The following USP48 variants were observed in gnomAD, a reference collection of about 807,000 sequenced individuals.
USP48 encodes the protein ubiquitin carboxyl-terminal hydrolase 48.
A neutral mutation model predicts 150.7 loss-of-function variants in USP48; 43 were observed. The observed-to-expected ratio is 0.29, with a 90% CI of 0.22 to 0.37. USP48 has a LOEUF of 0.37. Among genes scored for constraint, USP48 ranks in the 10% least tolerant of loss-of-function variants. The pLI, the probability that USP48 is intolerant of heterozygous loss-of-function variation, is 1.00. For missense variants in USP48, 813 were observed against 1,249.6 expected (o/e 0.65, Z 5.27); for synonymous variants, 396 against 425.9 (o/e 0.93, Z 0.86).
At chr1:21,686,338 A>C (rs1434264835) in intron 25 of USP48, 1 of 152,086 alleles carries the variant, frequency 6.6e-6, no homozygotes, top group Non-Finnish European at 1.5e-5. Context: ...TATGGCCTTT[A>C]TTATATTGAG....
chr1:21,705,774 C>T lies in USP48; in HGVS notation c.2337G>A (p.Gly779=), dbSNP rs1176901865. The T allele has an allele frequency of 6.2e-7, 1 of 1,612,434 alleles. No homozygotes were observed. The highest frequency in any genetic ancestry group is 8.5e-7 in the Non-Finnish European group (1 of 1,179,522). ...VGNSALLCPH[G]GLMFTFASMT... ...TGGAAGCAAATGTAAACATGAGGCC[C>T]CCGTGGGGACACAAAAGAGCACTGT... Residue 779 remains glycine (G), a synonymous_variant, in exon 19 of 27, where the codon GGG becomes GGA. Transcript: ENST00000308271.
chr1:21,724,054 A>T lies in USP48; in HGVS notation c.1492T>A (p.Leu498Met). 2.5e-6 allele frequency: 4 copies of T among 1,614,186 alleles called. No homozygotes were observed. Among genetic ancestry groups the T allele is most frequent in the Non-Finnish European group, 3.4e-6 (4 of 1,180,030 alleles). The change falls in exon 12 of 27, where the codon TTG becomes ATG. Residue 498 changes from leucine (L) to methionine (M), a missense_variant. Transcript: ENST00000308271. ...FVSLEWLQKW[L>M]DESTPTKPID... ...GGTTTGGTAGGTGTTGATTCATCCA[A>T]CCACTTTTGCAGCCATTCCAGAGAG...
At chr1:21,721,193 A>G in intron 13 of USP48, 27 bp from the exon 14 acceptor site, 2 of 1,611,304 alleles carry the variant, frequency 1.2e-6, no homozygotes, top group East Asian at 2.2e-5. Context: ...ATGTTAAATC[A>G]TATAAGTAAT....
At chr1:21,739,841 C>A (rs1172362188) in intron 8 of USP48, among the ~76,000 whole-genome samples, 3 of 152,166 alleles carry the variant, frequency 2.0e-5, no homozygotes, top group Non-Finnish European at 4.4e-5. Context: ...TTCTGGTAAC[C>A]ACCATTTTCT....
At chr1:21,743,523 G>A (rs1407434421) in intron 8 of USP48, among the ~76,000 whole-genome samples, 3 of 152,110 alleles carry the variant, frequency 2.0e-5, no homozygotes, top group African/African-American at 7.2e-5. Flanking sequence ...TATGGGTTAC[G>A]CTGTGGCTGG....
intron 3 of USP48, among the ~76,000 whole-genome samples, chr1:21,754,549 T>C (rs1408565119): frequency 6.6e-6 from 1 of 152,182 alleles, no homozygotes; most frequent in African/African-American, 2.4e-5. Flanking sequence ...TGATGAGAGA[T>C]GGGCTCTGCA....
At chr1:21,694,572 CAAAAAAAAAAAA>C (rs1204062748) in intron 23 of USP48, among the ~76,000 whole-genome samples, 4 of 12,020 alleles carry the variant, frequency 3.3e-4, no homozygotes, top group Non-Finnish European at 5.0e-4. Context: ...TCTGTCTCAC[CAAAAAAAAAAAA>C]AAAAAAAAAA....
intron 1 of USP48, among the ~76,000 whole-genome samples, chr1:21,778,874 C>T (rs766866405): frequency 5.7e-4 from 87 of 151,980 alleles, no homozygotes; most frequent in Non-Finnish European, 1.2e-3. Flanking sequence ...CTTTGCCTCC[C>T]GGGTTTATGC....
chr1:21,748,262 A>G lies in USP48; in HGVS notation c.784T>C (p.Leu262=), dbSNP rs751985530. The change falls in exon 7 of 27, where the codon TTA becomes CTA. Residue 262 remains leucine (L), a synonymous_variant. Coordinates refer to ENST00000308271, the MANE Select transcript of USP48 (RefSeq NM_032236.8). ...CISEFLKEEK[L]EGDNRYFCEN... is the part of the protein sequence containing the mutation. ...CAAAAATAGCGATTGTCTCCTTCTA[A>G]TTTTTCTTCCTGATCAAGAATAAGA... 1 of 1,611,614 alleles carries G rather than the reference A, an allele frequency of 6.2e-7. No homozygotes were observed. Among genetic ancestry groups the G allele is most frequent in the Non-Finnish European group, 8.5e-7 (1 of 1,179,224 alleles).
chr1:21,743,436 C>A (rs1016912592), intron 8 of USP48, among the ~76,000 whole-genome samples: 1 of 152,130 alleles, frequency 6.6e-6, no homozygotes, highest in Non-Finnish European at 1.5e-5. Flanking sequence ...GATCTGGGGG[C>A]ATCACCAGTG....
intron 1 of USP48, among the ~76,000 whole-genome samples, chr1:21,777,011 A>G (rs185935671): frequency 9.6e-4 from 145 of 151,828 alleles, no homozygotes; most frequent in Middle Eastern, 3.4e-3. Flanking sequence ...GCTACTCAGG[A>G]GGCTGAGGCA....
At chr1:21,726,505 T>G (rs2097737517) in intron 11 of USP48, 1 of 152,194 alleles carries the variant, frequency 6.6e-6, no homozygotes, top group African/African-American at 2.4e-5. Context: ...AACAGCAAGT[T>G]CTCCAGATTT....
intron 1 of USP48, among the ~76,000 whole-genome samples, chr1:21,762,632 C>T (rs142677474): frequency 0.02 from 3,099 of 152,100 alleles, 42 homozygotes; most frequent in Middle Eastern, 0.048. Context: ...CTTTGGGAGG[C>T]GGAGGCGGGT....
intron 23 of USP48, among the ~76,000 whole-genome samples, chr1:21,691,507 C>T (rs1571711106): frequency 6.6e-6 from 1 of 151,840 alleles, no homozygotes; most frequent in Non-Finnish European, 1.5e-5. Flanking sequence ...TAGTGCCATG[C>T]ACCTGTGATC....
At chr1:21,782,798 C>T (rs928904181) in intron 1 of USP48, 26 bp downstream of exon 1, 2 of 1,508,962 alleles carry the variant, frequency 1.3e-6, no homozygotes, top group South Asian at 2.5e-5. Flanking sequence ...GCGAGGAGCC[C>T]GCGAGGCGCG....
chr1:21,760,239 C>A (rs2097846726), intron 1 of USP48, among the ~76,000 whole-genome samples: 1 of 152,158 alleles, frequency 6.6e-6, no homozygotes, highest in Non-Finnish European at 1.5e-5. Flanking sequence ...AGAGACACAA[C>A]TGAATGTAAC....
At chr1:21,719,577 C>T (rs1297411467) in intron 14 of USP48, among the ~76,000 whole-genome samples, 3 of 152,142 alleles carry the variant, frequency 2.0e-5, no homozygotes, top group African/African-American at 7.2e-5. Context: ...ATAGTGAGGC[C>T]TTATCTCTAG....
intron 22 of USP48, among the ~76,000 whole-genome samples, chr1:21,701,085 G>C (rs1486862381): frequency 7.4e-6 from 1 of 135,110 alleles, no homozygotes; most frequent in Non-Finnish European, 1.6e-5. Flanking sequence ...AAAAAAAAAA[G>C]GCCGGGTGCG....
intron 25 of USP48, 93 bp from the exon 26 acceptor site, chr1:21,680,927 A>G (rs1289203500): frequency 1.1e-6 from 1 of 923,392 alleles, no homozygotes; most frequent in Non-Finnish European, 1.7e-6. Flanking sequence ...AAAGTTTAAA[A>G]TAACTTTTGA....
Sources: allele counts gnomAD v4.1 joint callset (sites outside exome capture counted in the v4.1 genomes callset), GRCh38; gene constraint gnomAD v4.1.1; transcripts MANE v1.5; gene names NCBI Gene and HGNC (gene_info 2026-07-23, HGNC 2026-07-21).